Variants in SEC22A observed in about 807,000 individuals in gnomAD.
The protein encoded by SEC22A is vesicle-trafficking protein SEC22a.
A neutral mutation model predicts 35.3 loss-of-function variants in SEC22A; 22 were observed. The ratio of observed to expected loss-of-function variants is 0.62; its 90% CI spans 0.45 to 0.89. The LOEUF (loss-of-function observed/expected upper bound fraction) is 0.89. Ranked by LOEUF, SEC22A falls within the 40% of genes least tolerant of loss-of-function variation. The pLI is 0.00. For synonymous variants in SEC22A, 119 were observed against 129.5 expected, an observed-to-expected ratio of 0.92 and a Z score of 0.55; for missense variants, 354 against 362.5, an observed-to-expected ratio of 0.98 and a Z score of 0.19.
At chr3:123,203,053 CTTTTTTTTTT>C (rs779433710) in intron 1 of SEC22A, among the ~76,000 whole-genome samples, 31 of 43,832 alleles carry the variant, frequency 7.1e-4, no homozygotes, top group African/African-American at 3.1e-3. Flanking sequence ...TGTTTAGTGC[CTTTTTTTTTT>C]TTTTTTTTTT....
At chr3:123,221,296 C>T (rs1937117757) in intron 2 of SEC22A, among the ~76,000 whole-genome samples, 1 of 151,498 alleles carries the variant, frequency 6.6e-6, no homozygotes, top group African/African-American at 2.4e-5. Context: ...CATGGTAAAA[C>T]CCCATCTCTA....
At position 123,259,564 on chromosome 3, in the gene SEC22A, T is replaced by C. The variant is rs550513625; in HGVS notation, c.698T>C (p.Leu233Pro). The C allele has an allele frequency of 6.2e-7, 1 of 1,613,020 alleles. No individual in the cohort carries two copies. The highest frequency in any genetic ancestry group is 8.5e-7 in the Non-Finnish European group (1 of 1,179,320). ...DDFNYIIAFF[L>P]GTAACLYQCY... ...TTTAATTACATCATTGCATTTTTCC[T>C]TGGAACAGCAGCCTGCCTTTACCAG... The change falls in exon 6 of 7, where the codon CTT (leucine) becomes CCT (proline). Residue 233 changes from leucine to proline, a missense_variant. Leu to Pro is a moderately conservative substitution (Grantham distance 98). Transcript: ENST00000492595.
chr3:123,224,914 C>T (rs1937194571), intron 3 of SEC22A, among the ~76,000 whole-genome samples, 189 bp from the exon 4 acceptor site: 1 of 151,986 alleles, frequency 6.6e-6, no homozygotes, highest in Non-Finnish European at 1.5e-5. Context: ...TTACTGATTT[C>T]TAGAGGGTAA....
chr3:123,217,202 CAT>C (rs1491565839), intron 2 of SEC22A, among the ~76,000 whole-genome samples: 1 of 141,166 alleles, frequency 7.1e-6, no homozygotes, highest in Non-Finnish European at 1.5e-5. Context: ...TATTCCAAAA[CAT>C]TTTTTTTTTT....
At chr3:123,266,615 C>T (rs9833983) in intron 6 of SEC22A, among the ~76,000 whole-genome samples, 29,913 of 151,966 alleles carry the variant, frequency 0.2, 3,051 homozygotes, top group Middle Eastern at 0.27. Context: ...TACTGATTTC[C>T]AGTTTGATTC....
Position 123,271,580 on chromosome 3 carries a change from G to T in SEC22A, c.782G>T (p.Gly261Val). 1 of 1,613,948 alleles carries T rather than the reference G, an allele frequency of 6.2e-7. No individual in the cohort carries two copies. The highest frequency in any genetic ancestry group is 1.1e-5 in the South Asian group (1 of 91,082). ...AATGTCAAATCTTTTTTGACTTTTG[G>T]CTTAATCTGTCTATGCAACATGTAT... is the stretch of plus-strand genomic sequence containing the variant. ...WRNVKSFLTFGLICLCNMYLY... is the reference protein window; with the variant it reads ...WRNVKSFLTFVLICLCNMYLY... Residue 261 changes from glycine to valine, a missense_variant, in exon 7 of 7, where the codon GGC becomes GTC. Transcript: ENST00000492595.
At chr3:123,230,833 G>T (rs966028417) in intron 4 of SEC22A, among the ~76,000 whole-genome samples, 1 of 151,390 alleles carries the variant, frequency 6.6e-6, no homozygotes, top group Admixed American at 6.6e-5. Flanking sequence ...GATTTAAAAA[G>T]TGTTAATATA....
intron 4 of SEC22A, among the ~76,000 whole-genome samples, chr3:123,235,069 CTT>C (rs1266866692): frequency 2.6e-5 from 4 of 150,944 alleles, no homozygotes; most frequent in Admixed American, 1.3e-4. Flanking sequence ...AAGCTAAAAA[CTT>C]TTTTGGAGAC....
chr3:123,249,666 A>G lies in SEC22A; in HGVS notation c.657+3652A>G, dbSNP rs181945183. Among the ~76,000 whole-genome samples, 25 of 152,230 alleles carry G rather than the reference A, an allele frequency of 1.6e-4. No individual in the cohort carries two copies. The East Asian group carries it at 4.5e-3, about 27-fold the overall frequency. On this transcript the variant is annotated intron_variant, in intron 5 of 6. Coordinates refer to ENST00000492595, the MANE Select transcript of SEC22A (RefSeq NM_012430.5). ...CAGCCTCCTGAGTAGCTGGGATTACAGATGTGCATCACCATGCCCAGCTAA... is the reference window on the plus strand; with the variant it reads ...CAGCCTCCTGAGTAGCTGGGATTACGGATGTGCATCACCATGCCCAGCTAA...
chr3:123,227,543 C>T (rs553757972), intron 4 of SEC22A, among the ~76,000 whole-genome samples: 1 of 152,208 alleles, frequency 6.6e-6, no homozygotes, highest in East Asian at 1.9e-4. Flanking sequence ...CACCATGGCA[C>T]ATGTATACTT....
chr3:123,259,286 T>C (rs1008933408), intron 5 of SEC22A, among the ~76,000 whole-genome samples: 8 of 152,128 alleles, frequency 5.3e-5, no homozygotes, highest in Admixed American at 2.6e-4. Context: ...CTCTTTTGAG[T>C]GGAATGAAAT....
At chr3:123,214,410 T>C (rs1229401962) in intron 2 of SEC22A, among the ~76,000 whole-genome samples, 1 of 152,138 alleles carries the variant, frequency 6.6e-6, no homozygotes, top group Non-Finnish European at 1.5e-5. Flanking sequence ...GATGGTTGTT[T>C]TAGGAATATG....
At chr3:123,211,868 G>A (rs1936943878) in intron 2 of SEC22A, among the ~76,000 whole-genome samples, 1 of 152,086 alleles carries the variant, frequency 6.6e-6, no homozygotes, top group Admixed American at 6.5e-5. Flanking sequence ...AGGAGTTTGA[G>A]ATCAGCATGG....
At chr3:123,229,850 A>G (rs1362442047) in intron 4 of SEC22A, among the ~76,000 whole-genome samples, 1 of 149,798 alleles carries the variant, frequency 6.7e-6, no homozygotes. Flanking sequence ...CAACAGAGCA[A>G]GACTTCATCT....
rs1938045619 is a variant in SEC22A, at chr3:123,267,160, G to C, written c.724-4362G>C. Among the ~76,000 whole-genome samples the C allele has an allele frequency of 2.0e-5, 3 of 151,992 alleles. No individual in the cohort carries two copies. The South Asian group carries it at 6.2e-4, about 32-fold the overall frequency. ...CCTATGTTATTTAAAGTGAGTTTCT[G>C]ACAGACAGCATGGGGTTGATTCATG... On this transcript the variant is annotated intron_variant, in intron 6 of 6. Coordinates refer to ENST00000492595, the MANE Select transcript of SEC22A (RefSeq NM_012430.5).
intron 4 of SEC22A, among the ~76,000 whole-genome samples, chr3:123,228,625 A>G (rs530911244): frequency 6.6e-6 from 1 of 151,264 alleles, no homozygotes; most frequent in Non-Finnish European, 1.5e-5. Context: ...CACTGTGGGC[A>G]TGGGGTAGAG....
chr3:123,221,316 T>C (rs992981282), intron 2 of SEC22A, among the ~76,000 whole-genome samples: 4 of 151,046 alleles, frequency 2.6e-5, no homozygotes, highest in African/African-American at 7.3e-5. Flanking sequence ...ACTAAAAATA[T>C]AAAAATTAGC....
rs542473723 is a variant in SEC22A, at chr3:123,269,758, G to A, written c.724-1764G>A. Among the ~76,000 whole-genome samples the A allele has an allele frequency of 7.3e-4, 109 of 149,362 alleles. 1 individual carries two copies. Among genetic ancestry groups the A allele is most frequent in the African/African-American group, 2.2e-3 (89 of 40,470 alleles). ...TGCCATTCTCCTGCCTCAGCTTCCC[G>A]AGTAGCTGGGACTACAGGCGCCCGC... On this transcript the variant is annotated intron_variant, in intron 6 of 6. Transcript: ENST00000492595.
chr3:123,214,013 G>T (rs1324437053), intron 2 of SEC22A, among the ~76,000 whole-genome samples: 1 of 151,270 alleles, frequency 6.6e-6, no homozygotes, highest in Non-Finnish European at 1.5e-5. Flanking sequence ...GTGAAACCCT[G>T]TCTCTACTAA....
Sources: allele counts gnomAD v4.1 joint callset (sites outside exome capture counted in the v4.1 genomes callset), GRCh38; gene constraint gnomAD v4.1.1; transcripts MANE v1.5; gene names NCBI Gene and HGNC (gene_info 2026-07-23, HGNC 2026-07-21).